EYA1: variants seen among roughly 807,000 people sequenced by gnomAD.
The protein encoded by EYA1 is EYA transcriptional coactivator and phosphatase 1, also known as protein phosphatase EYA1.
Under a neutral mutation model 82.0 loss-of-function variants are expected in EYA1, and 16 were observed. That is an observed-to-expected ratio of 0.20 (90% CI 0.13 to 0.30). The LOEUF (loss-of-function observed/expected upper bound fraction) is 0.30. Ranked by LOEUF, EYA1 falls within the 10% of genes least tolerant of loss-of-function variation. The pLI is 1.00. For synonymous variants in EYA1, 261 were observed against 264.4 expected (o/e 0.99, Z 0.12); for missense variants, 633 against 730.7 (o/e 0.87, Z 1.54).
At chr8:71,447,157 C>T (rs990846677) in intron 2 of EYA1, among the ~76,000 whole-genome samples, 1 of 151,452 alleles carries the variant, frequency 6.6e-6, no homozygotes, top group Non-Finnish European at 1.5e-5. Flanking sequence ...AAGACAATAA[C>T]TCTCTTTATC....
At chr8:71,351,876 ATAAC>A (rs2047878482) in intron 3 of EYA1, among the ~76,000 whole-genome samples, 1 of 152,228 alleles carries the variant, frequency 6.6e-6, no homozygotes, top group South Asian at 2.1e-4. Context: ...GAAATAAAAA[ATAAC>A]TCTGAGTGAA....
At chr8:71,214,761 T>C (rs1244702203) in intron 16 of EYA1, among the ~76,000 whole-genome samples, 1 of 152,252 alleles carries the variant, frequency 6.6e-6, no homozygotes, top group African/African-American at 2.4e-5. Context: ...AATGCTCATT[T>C]GCATACTCTT....
At chr8:71,291,269 G>T (rs948605072) in intron 9 of EYA1, among the ~76,000 whole-genome samples, 3 of 152,142 alleles carry the variant, frequency 2.0e-5, no homozygotes, top group African/African-American at 4.8e-5. Context: ...CTGCAACTTT[G>T]AACAAGAACA....
Position 71,299,090 on chromosome 8 carries a change from C to A in EYA1, c.783G>T (p.Pro261=), listed in dbSNP as rs146648560. ...STNATYQLQE[P]PSGITSQAVT... ...CTGCTTGGCTGGTGATGCCAGATGG[C>A]GGTTCTTGAAGCTGGTAAGTGGCAT... Residue 261 remains proline (P), a synonymous_variant, in exon 9 of 18, where the codon CCG becomes CCT. Transcript: ENST00000340726. 1.9e-6 allele frequency: 3 copies of A among 1,614,030 alleles called. No homozygotes were observed. In the African/African-American group the frequency reaches 4.0e-5, roughly 22 times the overall value.
chr8:71,311,215 C>T (rs939175836), intron 7 of EYA1, among the ~76,000 whole-genome samples: 3 of 152,076 alleles, frequency 2.0e-5, no homozygotes, highest in African/African-American at 7.2e-5. Context: ...TAGGTACAGA[C>T]CTTGCATTTT....
At chr8:71,416,906 G>T (rs1482502467) in intron 2 of EYA1, among the ~76,000 whole-genome samples, 1 of 152,124 alleles carries the variant, frequency 6.6e-6, no homozygotes, top group East Asian at 1.9e-4. Context: ...GTGTCAGTGA[G>T]GGTGTTGCCA....
chr8:71,269,624 C>CT, intron 11 of EYA1, 116 bp downstream of exon 11: 1 of 701,570 alleles, frequency 1.4e-6, no homozygotes, highest in Middle Eastern at 2.7e-4. Context: ...CTATATAGTT[C>CT]TTCTCCATTT....
intron 2 of EYA1, among the ~76,000 whole-genome samples, chr8:71,411,863 GC>G (rs1830608979): frequency 6.7e-6 from 1 of 148,824 alleles, no homozygotes; most frequent in South Asian, 2.2e-4. Flanking sequence ...ATTTGACCCA[GC>G]CATCCCATTA....
chr8:71,214,764 A>C (rs968030535), intron 16 of EYA1, among the ~76,000 whole-genome samples: 1 of 152,258 alleles, frequency 6.6e-6, no homozygotes, highest in Non-Finnish European at 1.5e-5. Flanking sequence ...GCTCATTTGC[A>C]TACTCTTGTA....
At chr8:71,334,598 C>T (rs942183322) in intron 3 of EYA1, among the ~76,000 whole-genome samples, 4 of 152,018 alleles carry the variant, frequency 2.6e-5, no homozygotes, top group Non-Finnish European at 5.9e-5. Flanking sequence ...GTGTCGACAC[C>T]AGCAGGTCTT....
intron 12 of EYA1, among the ~76,000 whole-genome samples, chr8:71,224,606 G>A (rs1810340255): frequency 6.6e-6 from 1 of 152,178 alleles, no homozygotes; most frequent in Admixed American, 6.5e-5. Context: ...TTTATACATG[G>A]GACATGGGTA....
intron 2 of EYA1, among the ~76,000 whole-genome samples, chr8:71,489,056 C>A (rs929714337): frequency 3.9e-5 from 6 of 152,166 alleles, no homozygotes; most frequent in African/African-American, 1.4e-4. Context: ...GGAGAAAATT[C>A]TTTTAGGGTT....
intron 2 of EYA1, among the ~76,000 whole-genome samples, chr8:71,396,110 T>C (rs1829595158): frequency 6.6e-6 from 1 of 152,228 alleles, no homozygotes; most frequent in Admixed American, 6.5e-5. Flanking sequence ...TGATGGTAGT[T>C]TGTATTTCTG....
intron 7 of EYA1, among the ~76,000 whole-genome samples, chr8:71,313,131 C>A (rs1165882380): frequency 6.6e-6 from 1 of 152,166 alleles, no homozygotes; most frequent in Non-Finnish European, 1.5e-5. Flanking sequence ...TTCCAACACC[C>A]CATTCACCAC....
intron 2 of EYA1, among the ~76,000 whole-genome samples, chr8:71,369,427 T>G (rs1446758033): frequency 6.6e-6 from 1 of 152,172 alleles, no homozygotes; most frequent in East Asian, 1.9e-4. Flanking sequence ...AATTCTGGTT[T>G]CAACACGGGC....
At chr8:71,374,522 C>T (rs900174149) in intron 2 of EYA1, among the ~76,000 whole-genome samples, 1 of 152,142 alleles carries the variant, frequency 6.6e-6, no homozygotes, top group Non-Finnish European at 1.5e-5. Flanking sequence ...GAAACCTTTG[C>T]AGGCCATTGA....
At chr8:71,268,180 C>CT (rs5892261) in intron 11 of EYA1, among the ~76,000 whole-genome samples, 13,676 of 152,150 alleles carry the variant, frequency 0.09, 1,047 homozygotes, top group East Asian at 0.43. Context: ...AGATAACTCT[C>CT]TTTTGCGTCA....
chr8:71,308,935 T>A (rs1365558225), intron 7 of EYA1, among the ~76,000 whole-genome samples: 2 of 152,204 alleles, frequency 1.3e-5, no homozygotes, highest in Non-Finnish European at 2.9e-5. Flanking sequence ...TTGCTTTCCA[T>A]CTCTGGCCTC....
intron 2 of EYA1, among the ~76,000 whole-genome samples, chr8:71,506,008 G>C (rs1812167402): frequency 6.6e-6 from 1 of 152,148 alleles, no homozygotes; most frequent in Non-Finnish European, 1.5e-5. Flanking sequence ...GCTGCCTTGT[G>C]CAGATGGTAC....
Sources: gnomAD v4.1 joint callset for allele counts (sites outside exome capture counted in the v4.1 genomes callset) on GRCh38, gnomAD v4.1.1 for gene constraint, MANE v1.5 for transcripts, NCBI Gene and HGNC (gene_info 2026-07-23, HGNC 2026-07-21) for gene names.